Variants in HMCN1 observed in about 807,000 individuals in gnomAD.
HMCN1 encodes hemicentin-1.
HMCN1 carries 321 observed loss-of-function variants against 625.9 expected under a neutral mutation model. The ratio of observed to expected loss-of-function variants is 0.51; its 90% CI spans 0.47 to 0.56. The LOEUF is 0.56. Among genes scored for constraint, HMCN1 ranks in the 20% least tolerant of loss-of-function variants. The pLI, the probability that HMCN1 is intolerant of heterozygous loss-of-function variation, is 0.00. For missense variants in HMCN1, 6,588 were observed against 6,887.3 expected (o/e 0.96, Z 1.54); for synonymous variants, 2,425 against 2,417.6 (o/e 1.00, Z -0.09).
intron 14 of HMCN1, among the ~76,000 whole-genome samples, chr1:185,966,675 C>T (rs749705326): frequency 5.3e-5 from 8 of 152,038 alleles, no homozygotes; most frequent in South Asian, 2.1e-4. Context: ...ATGCTGTTTG[C>T]AAAATACTTT....
chr1:186,043,279 G>C (rs377683695), intron 40 of HMCN1, among the ~76,000 whole-genome samples: 1 of 152,074 alleles, frequency 6.6e-6, no homozygotes, highest in African/African-American at 2.4e-5. Flanking sequence ...AGGATCTAAA[G>C]GGTAGAACTC....
chr1:186,142,845 C>T (rs1233355627), intron 89 of HMCN1, among the ~76,000 whole-genome samples: 4 of 152,136 alleles, frequency 2.6e-5, no homozygotes, highest in East Asian at 1.9e-4. Context: ...ATTAAAAATG[C>T]ATCTATATTA....
chr1:186,095,265 A>C lies in HMCN1; in HGVS notation c.10317A>C (p.Ser3439=). The part of the protein sequence containing the change: ...QVFAPPNMDN[S]MGTEEITVLK... Reference sequence around the variant, plus strand: ...TAGCACCACCAAATATGGACAATTCAATGGGGACAGAGGAAATCACAGTTC... The same window carrying C: ...TAGCACCACCAAATATGGACAATTCCATGGGGACAGAGGAAATCACAGTTC... Residue 3439 remains serine, a synonymous_variant, in exon 68 of 107, where the codon TCA becomes TCC. Coordinates refer to ENST00000271588, the MANE Select transcript of HMCN1 (RefSeq NM_031935.3). The C allele has an allele frequency of 6.2e-7, 1 of 1,613,732 alleles. No individual in the cohort carries two copies. Among genetic ancestry groups the C allele is most frequent in the African/African-American group, 1.3e-5 (1 of 75,016 alleles).
chr1:186,151,670 A>G lies in HMCN1; in HGVS notation c.14823A>G (p.Ile4941Met). ...TTTATTGGACAACAGCAAAGGAAATAGGAGAAGCAGTCAATGGCTTTACCC... is the reference window on the plus strand; with the variant it reads ...TTTATTGGACAACAGCAAAGGAAATGGGAGAAGCAGTCAATGGCTTTACCC... ...NPIYWTTAKE[I>M]GEAVNGFTLT... The change falls in exon 95 of 107, where the codon ATA becomes ATG. Residue 4941 changes from isoleucine to methionine, a missense_variant. Physicochemically the swap from Ile to Met is conservative, Grantham distance 10 (BLOSUM62 1). This residue lies in a region of HMCN1 where 1,954 missense variants were observed against 2,013.1 expected (regional missense o/e 0.97). Coordinates refer to ENST00000271588, the MANE Select transcript of HMCN1 (RefSeq NM_031935.3). 6.2e-7 allele frequency: 1 copy of G among 1,613,358 alleles called. No individual in the cohort carries two copies. The highest frequency in any genetic ancestry group is 1.7e-5 in the Admixed American group (1 of 60,022).
At chr1:185,886,719 A>G (rs181327629) in intron 4 of HMCN1, among the ~76,000 whole-genome samples, 37 of 152,192 alleles carry the variant, frequency 2.4e-4, no homozygotes, top group African/African-American at 8.7e-4. Flanking sequence ...CCAAGTCTTC[A>G]TCACTTCACA....
intron 55 of HMCN1, among the ~76,000 whole-genome samples, chr1:186,080,790 C>T (rs1384248951): frequency 6.6e-6 from 1 of 152,144 alleles, no homozygotes. Context: ...ATTTCAATTA[C>T]ACTTTAAAAG....
intron 93 of HMCN1, 38 bp downstream of exon 93, chr1:186,145,961 G>C: frequency 6.2e-7 from 1 of 1,603,128 alleles, no homozygotes; most frequent in Non-Finnish European, 8.5e-7. Context: ...CACATTTAGA[G>C]CCTTTGTGCA....
At chr1:185,761,863 A>C (rs1463019322) in intron 1 of HMCN1, among the ~76,000 whole-genome samples, 1 of 152,204 alleles carries the variant, frequency 6.6e-6, no homozygotes, top group African/African-American at 2.4e-5. Flanking sequence ...TATTAATAGT[A>C]ATCTAATTAA....
chr1:185,842,949 A>G lies in HMCN1; in HGVS notation c.269-3077A>G, dbSNP rs114917730. Among the ~76,000 whole-genome samples the G allele has an allele frequency of 7.3e-3, 1,115 of 152,266 alleles. 11 individuals carry two copies. Among genetic ancestry groups the G allele is most frequent in the African/African-American group, 0.026 (1,061 of 41,550 alleles). On this transcript the variant is annotated intron_variant, in intron 1 of 106. Transcript: ENST00000271588. ...TAGGTCACTCAGCATAAAATACGTT[A>G]GCAGTTATCTTCACCTCTTTCTTCA... is the stretch of plus-strand genomic sequence containing the variant.
chr1:185,888,956 C>G (rs1664861273), intron 4 of HMCN1, among the ~76,000 whole-genome samples: 1 of 147,474 alleles, frequency 6.8e-6, no homozygotes, highest in Non-Finnish European at 1.5e-5. Flanking sequence ...GAATGTTCTT[C>G]CATTTGTTTG....
intron 15 of HMCN1, 143 bp from the exon 16 acceptor site, chr1:185,977,644 G>C (rs1651312511): frequency 1.5e-6 from 1 of 659,986 alleles, no homozygotes; most frequent in Admixed American, 2.4e-5. Flanking sequence ...TTACCTAAGA[G>C]AGGAATATCA....
rs1667389772 is a variant in HMCN1, at chr1:185,928,572, T to C, written c.1457T>C (p.Ile486Thr). The C allele has an allele frequency of 6.2e-7, 1 of 1,613,250 alleles. No homozygotes were observed. The highest frequency in any genetic ancestry group is 1.7e-5 in the Admixed American group (1 of 59,996). The change falls in exon 10 of 107, where the codon ATT becomes ACT. Residue 486 changes from isoleucine (I) to threonine (T), a missense_variant. Physicochemically the swap from Ile to Thr is moderately conservative, Grantham distance 89. This residue lies in a region of HMCN1 where 4,628 missense variants were observed against 4,853.1 expected (regional missense o/e 0.95). Coordinates refer to ENST00000271588, the MANE Select transcript of HMCN1 (RefSeq NM_031935.3). ...LKESASVNLD[I>T]AKVTLSDEGF... is the part of the protein sequence containing the mutation. ...GAATCTGCCAGTGTGAACTTAGATA[T>C]TGCAAAGGTCACTTTGTCTGACGAA...
chr1:185,842,717 C>G (rs1661558503), intron 1 of HMCN1, among the ~76,000 whole-genome samples: 1 of 150,636 alleles, frequency 6.6e-6, no homozygotes, highest in Admixed American at 6.6e-5. Flanking sequence ...AGTGACAGAG[C>G]AAGAGCCTGT....
chr1:185,986,129 G>A (rs1313474177), intron 19 of HMCN1, among the ~76,000 whole-genome samples: 1 of 152,144 alleles, frequency 6.6e-6, no homozygotes, highest in Non-Finnish European at 1.5e-5. Flanking sequence ...TTAGAGAGTA[G>A]CCTGGCATTG....
chr1:185,851,674 C>T (rs999190547), intron 2 of HMCN1, among the ~76,000 whole-genome samples: 3 of 152,046 alleles, frequency 2.0e-5, no homozygotes, highest in Admixed American at 1.3e-4. Context: ...GGGACACATT[C>T]TTTATAAGAA....
At chr1:185,775,722 T>C (rs1237629992) in intron 1 of HMCN1, among the ~76,000 whole-genome samples, 1 of 152,190 alleles carries the variant, frequency 6.6e-6, no homozygotes, top group Non-Finnish European at 1.5e-5. Context: ...AGCATGTGAA[T>C]TGGGGAAGAC....
chr1:185,830,339 A>G (rs1255993278), intron 1 of HMCN1, among the ~76,000 whole-genome samples: 1 of 152,032 alleles, frequency 6.6e-6, no homozygotes, highest in Non-Finnish European at 1.5e-5. Flanking sequence ...TATGTCCTGA[A>G]TGGTTTTGCC....
intron 4 of HMCN1, among the ~76,000 whole-genome samples, chr1:185,901,607 C>G (rs1415226864): frequency 2.6e-5 from 4 of 151,760 alleles, no homozygotes; most frequent in African/African-American, 9.7e-5. Context: ...CATGTAAGTG[C>G]TGTTTAAATG....
At position 185,822,483 on chromosome 1, in the gene HMCN1, C is replaced by A. The variant is rs1430365632; in HGVS notation, c.269-23543C>A. On this transcript the variant is annotated intron_variant, in intron 1 of 106. Transcript: ENST00000271588. ...TTCTAGCTCCTGCCTGCCTGATCAA[C>A]ATTCTTATACTAACTTGAAGGGTTT... Among the ~76,000 whole-genome samples, 8 of 152,136 alleles carry A rather than the reference C, an allele frequency of 5.3e-5. No individual in the cohort carries two copies. The East Asian group carries it at 1.5e-3, about 29-fold the overall frequency.
Sources: gnomAD v4.1 joint callset for allele counts (sites outside exome capture counted in the v4.1 genomes callset) on GRCh38, gnomAD v4.1.1 for gene constraint, gnomAD v4.1.1 regional missense constraint, MANE v1.5 for transcripts, NCBI Gene and HGNC (gene_info 2026-07-23, HGNC 2026-07-21) for gene names.